DCAF5: variants seen among roughly 807,000 people sequenced by gnomAD.
DCAF5 encodes DDB1- and CUL4-associated factor 5.
A neutral mutation model predicts 80.7 loss-of-function variants in DCAF5; 9 were observed. The observed-to-expected ratio is 0.11, with a 90% CI of 0.07 to 0.19. DCAF5 has a LOEUF of 0.19. Among genes scored for constraint, DCAF5 ranks in the 10% least tolerant of loss-of-function variants. The pLI, the probability that DCAF5 is intolerant of heterozygous loss-of-function variation, is 1.00. For synonymous variants in DCAF5, 433 were observed against 461.9 expected (o/e 0.94, Z 0.80); for missense variants, 842 against 1,205.7 (o/e 0.70, Z 4.47).
chr14:69,054,755 G>A lies in DCAF5; in HGVS notation c.1931C>T (p.Pro644Leu), dbSNP rs1297015054. 1 of 1,614,264 alleles carries A rather than the reference G, an allele frequency of 6.2e-7. No individual in the cohort carries two copies. The highest frequency in any genetic ancestry group is 1.1e-5 in the South Asian group (1 of 91,090). ...GTCAGAAGTTGGTGATGCCCGGCTT[G>A]GTTGAATCTCTAGCGTGGAAGTGCT... Reference protein sequence around the residue: ...ERSTSTLEIQPSRASPTSDIE... With the variant: ...ERSTSTLEIQLSRASPTSDIE... The change falls in exon 9 of 9, where the codon CCA (proline) becomes CTA (leucine). Residue 644 changes from proline (P) to leucine (L), a missense_variant. This residue lies in a region of DCAF5 where 607 missense variants were observed against 656.6 expected (regional missense o/e 0.92). Transcript: ENST00000341516.
intron 5 of DCAF5, among the ~76,000 whole-genome samples, chr14:69,107,762 G>T (rs2040215013): frequency 6.6e-6 from 1 of 152,132 alleles, no homozygotes; most frequent in African/African-American, 2.4e-5. Flanking sequence ...GGGATTAGCA[G>T]GTCCATAAAC....
chr14:69,145,911 T>A (rs749805670), intron 1 of DCAF5, among the ~76,000 whole-genome samples: 2 of 152,252 alleles, frequency 1.3e-5, no homozygotes, highest in Non-Finnish European at 2.9e-5. Flanking sequence ...AGTGCTCTTA[T>A]AAACTTATGC....
chr14:69,127,123 T>A (rs2040902041), intron 1 of DCAF5, among the ~76,000 whole-genome samples: 1 of 152,202 alleles, frequency 6.6e-6, no homozygotes, highest in Non-Finnish European at 1.5e-5. Context: ...AATCCAGCAA[T>A]CATGCTCCTT....
intron 7 of DCAF5, among the ~76,000 whole-genome samples, chr14:69,072,097 C>T (rs1402071231): frequency 6.6e-6 from 1 of 152,086 alleles, no homozygotes; most frequent in East Asian, 1.9e-4. Context: ...GACCCACAGC[C>T]CCATTTCCCT....
intron 1 of DCAF5, among the ~76,000 whole-genome samples, chr14:69,123,442 G>A (rs1347190015): frequency 4.6e-5 from 7 of 152,100 alleles, no homozygotes; most frequent in Admixed American, 3.9e-4. Context: ...CTATCTAGAT[G>A]GCTATAAAAG....
chr14:69,081,090 C>CA (rs955790278), intron 6 of DCAF5, among the ~76,000 whole-genome samples: 9 of 151,522 alleles, frequency 5.9e-5, no homozygotes, highest in East Asian at 1.9e-4. Flanking sequence ...AAATAAAAAA[C>CA]AAAAAAAATG....
At chr14:69,128,676 G>A (rs2040947342) in intron 1 of DCAF5, among the ~76,000 whole-genome samples, 1 of 152,192 alleles carries the variant, frequency 6.6e-6, no homozygotes, top group Admixed American at 6.5e-5. Context: ...GATGAGGCAG[G>A]AGAATCACTT....
At position 69,052,049 on chromosome 14, in the gene DCAF5, C is replaced by G. The variant is rs2037779242; in HGVS notation, c.*1808G>C. 3 of 152,398 alleles carry G rather than the reference C, an allele frequency of 2.0e-5. No individual in the cohort carries two copies. Among genetic ancestry groups the G allele is most frequent in the African/African-American group, 7.2e-5 (3 of 41,418 alleles). The allele number at this position is 152,398 out of a possible 1,614,324, so 9.4% of individuals were successfully genotyped here. On this transcript the variant is annotated 3_prime_UTR_variant, in exon 9 of 9. Coordinates refer to ENST00000341516, the MANE Select transcript of DCAF5 (RefSeq NM_003861.3). ...TTACAGAATCACTTTCCCACTCCCC[C>G]AGTAAAAGTCCAGGTGTTAAGTTGT...
At chr14:69,084,844 G>A (rs1251978530) in intron 6 of DCAF5, 1 of 1,104,380 alleles carries the variant, frequency 9.1e-7, no homozygotes. Context: ...CAAGAGAACT[G>A]GACATTACTG....
chr14:69,122,381 CTG>C, intron 1 of DCAF5, 21 bp from the exon 2 acceptor site: 1 of 1,602,128 alleles, frequency 6.2e-7, no homozygotes, highest in East Asian at 2.2e-5. Context: ...AAATAAGAAT[CTG>C]TGCTTAAAAC....
intron 1 of DCAF5, among the ~76,000 whole-genome samples, chr14:69,126,185 T>TC (rs1440815669): frequency 3.9e-4 from 57 of 144,938 alleles, no homozygotes; most frequent in Non-Finnish European, 7.2e-4. Context: ...GGAGTTTCAC[T>TC]TTTTTTTTTT....
intron 1 of DCAF5, among the ~76,000 whole-genome samples, chr14:69,129,928 GT>G (rs1197393342): frequency 6.6e-6 from 1 of 152,156 alleles, no homozygotes; most frequent in East Asian, 1.9e-4. Context: ...TCTGGTTTTG[GT>G]TTTTTGGGTT....
Position 69,053,801 on chromosome 14 carries a change from ATTT to A in DCAF5, c.*53_*55del, listed in dbSNP as rs57470426. On this transcript the variant is annotated 3_prime_UTR_variant, in exon 9 of 9. Transcript: ENST00000341516. ...TCCTTTCCTCTGTATTCACTAAACA[ATTT>A]TTTTTTTTTTGTAAGGCTACTTTTG... 3.3e-5 allele frequency: 42 copies of A among 1,258,752 alleles called. No individual in the cohort carries two copies. The highest frequency in any genetic ancestry group is 8.5e-5 in the East Asian group (3 of 35,440). 78.0% of individuals were successfully genotyped at this position (1,258,752 alleles called of 1,614,324 possible).
intron 1 of DCAF5, among the ~76,000 whole-genome samples, chr14:69,147,123 A>ATT (rs2041562518): frequency 6.6e-6 from 1 of 152,226 alleles, no homozygotes; most frequent in Admixed American, 6.5e-5. Context: ...GGAAATGACC[A>ATT]TTAATTAATA....
At chr14:69,100,276 C>T (rs983188643) in intron 5 of DCAF5, among the ~76,000 whole-genome samples, 1 of 152,166 alleles carries the variant, frequency 6.6e-6, no homozygotes, top group African/African-American at 2.4e-5. Context: ...TGTCTTCTCA[C>T]ATATACTCCC....
intron 7 of DCAF5, among the ~76,000 whole-genome samples, chr14:69,064,951 A>C (rs777469348): frequency 3.3e-5 from 5 of 152,218 alleles, no homozygotes; most frequent in Non-Finnish European, 7.3e-5. Context: ...TCATAGAACT[A>C]AAGTGCATCA....
chr14:69,063,139 T>C (rs144436627), intron 7 of DCAF5, among the ~76,000 whole-genome samples: 130 of 152,278 alleles, frequency 8.5e-4, no homozygotes, highest in African/African-American at 2.6e-3. Flanking sequence ...GGTCCAAGTA[T>C]TGAAAATCAG....
intron 6 of DCAF5, chr14:69,085,190 T>TA: frequency 1.4e-6 from 1 of 727,034 alleles, no homozygotes; most frequent in Non-Finnish European, 2.6e-6. Context: ...TTTAATAACT[T>TA]AAATTTGCCT....
intron 1 of DCAF5, among the ~76,000 whole-genome samples, chr14:69,134,450 G>T (rs1181154574): frequency 6.6e-6 from 1 of 152,142 alleles, no homozygotes; most frequent in African/African-American, 2.4e-5. Context: ...AATCAAAAAC[G>T]TGGGGCTCAA....
Sources: allele counts gnomAD v4.1 joint callset (sites outside exome capture counted in the v4.1 genomes callset), GRCh38; gene constraint gnomAD v4.1.1; regional missense constraint gnomAD v4.1.1; transcripts MANE v1.5; gene names NCBI Gene and HGNC (gene_info 2026-07-23, HGNC 2026-07-21).